The following MAPK12 variants were observed in gnomAD, a reference collection of about 807,000 sequenced individuals.
The protein encoded by MAPK12 is MAP kinase 12.
A neutral mutation model predicts 49.1 loss-of-function variants in MAPK12; 49 were observed. That is an observed-to-expected ratio of 1.00 (90% confidence interval 0.79 to 1.27). The LOEUF (loss-of-function observed/expected upper bound fraction) is 1.27. MAPK12 is among the 50% of genes most tolerant of loss of function. The probability of loss-of-function intolerance (pLI) is 0.00; values close to 1 mark genes in which losing one functional copy is unlikely to be tolerated. For synonymous variants in MAPK12, 251 were observed against 209.7 expected, an observed-to-expected ratio of 1.20 and a Z score of -1.70; for missense variants, 554 against 502.4, an observed-to-expected ratio of 1.10 and a Z score of -0.98.
At chr22:50,257,957 T>C in intron 3 of MAPK12, 2 of 769,724 alleles carry the variant, frequency 2.6e-6, no homozygotes, top group Non-Finnish European at 4.8e-6. Flanking sequence ...TGTTAACAAA[T>C]GGTCAGGTCC....
chr22:50,256,482 G>A, intron 6 of MAPK12, 117 bp downstream of exon 6: 1 of 1,356,196 alleles, frequency 7.4e-7, no homozygotes. Flanking sequence ...CAGCTCCTCA[G>A]CCACTGCCCA....
In MAPK12 at chr22:50,255,913, CA is replaced by C. The variant is rs769481174; in HGVS notation, c.620-33del. The C allele has an allele frequency of 1.1e-4, 175 of 1,601,672 alleles. No individual in the cohort carries two copies. In the African/African-American group the frequency reaches 2.1e-3, roughly 19 times the overall value. ...TAGAAGCCCTGGTCAGCTCCGTGGG[CA>C]GGGGGACAGGATGAGACGGGGAGGG... is the stretch of plus-strand genomic sequence containing the variant. On this transcript the variant is annotated intron_variant, in intron 7 of 11. Transcript: ENST00000215659.
At chr22:50,257,023 T>C in intron 4 of MAPK12, 59 bp from the exon 5 acceptor site, 5 of 1,600,012 alleles carry the variant, frequency 3.1e-6, no homozygotes, top group Non-Finnish European at 4.3e-6. Context: ...CACAGGGCCC[T>C]CCTCTGCCCA....
At chr22:50,258,088 T>C (rs1199205312) in intron 3 of MAPK12, 155 bp downstream of exon 3, 8 of 680,070 alleles carry the variant, frequency 1.2e-5, no homozygotes, top group Non-Finnish European at 2.1e-5. Flanking sequence ...GGGGAGGGCG[T>C]GGGGTGGACA....
chr22:50,253,394 G>C lies in MAPK12; in HGVS notation c.*7C>G. ...GTCCTCACTGCCACCCCGGAGCCCA[G>C]AGATCTTCACAGAGGCGTCTCCTTG... On this transcript the variant is annotated 3_prime_UTR_variant, in exon 12 of 12. Transcript: ENST00000215659. 6.5e-7 allele frequency: 1 copy of C among 1,544,064 alleles called. No homozygotes were observed. The highest frequency in any genetic ancestry group is 8.7e-7 in the Non-Finnish European group (1 of 1,143,048).
At chr22:50,259,868 G>A (rs1056028067) in intron 2 of MAPK12, among the ~76,000 whole-genome samples, 1 of 150,088 alleles carries the variant, frequency 6.7e-6, no homozygotes, top group African/African-American at 2.5e-5. Flanking sequence ...TGGGCAACAA[G>A]AGCGAAACTC....
In MAPK12 at chr22:50,256,930, C is replaced by G; in HGVS notation, c.456+5G>C. On this transcript the variant is annotated splice_donor_5th_base_variant and intron_variant, in intron 5 of 11. Transcript: ENST00000215659. The stretch of plus-strand genomic sequence containing the variant: ...CTGATGAGCGGCTTCTCCACCGGGA[C>G]TCACTCTGTGGATGATGCCGGCAGC... 1 of 1,606,180 alleles carries G rather than the reference C, an allele frequency of 6.2e-7. No homozygotes were observed. Among genetic ancestry groups the G allele is most frequent in the Non-Finnish European group, 8.5e-7 (1 of 1,178,164 alleles).
chr22:50,257,492 G>A, intron 3 of MAPK12: 2 of 523,148 alleles, frequency 3.8e-6, no homozygotes, highest in East Asian at 6.7e-5. Flanking sequence ...GAAGCGCCCT[G>A]CGTGCCAGGC....
rs2065156989 is a variant in MAPK12, at chr22:50,256,963, T to C, written c.428A>G (p.Tyr143Cys). The C allele has an allele frequency of 2.5e-6, 4 of 1,606,274 alleles. No homozygotes were observed. Among genetic ancestry groups the C allele is most frequent in the Non-Finnish European group, 3.4e-6 (4 of 1,178,000 alleles). ...GTGGATGATGCCGGCAGCGTGGATATACTGCGGGGGGCAGAGGATTTGGCA... is the reference window on the plus strand; with the variant it reads ...GTGGATGATGCCGGCAGCGTGGATACACTGCGGGGGGCAGAGGATTTGGCA... ...LVYQMLKGLR[Y>C]IHAAGIIHRD... Residue 143 changes from tyrosine to cysteine, a missense_variant and splice_region_variant, in exon 5 of 12, where the codon TAT becomes TGT. Physicochemically the swap from Tyr to Cys is radical, Grantham distance 194. Coordinates refer to ENST00000215659, the MANE Select transcript of MAPK12 (RefSeq NM_002969.6).
At position 50,256,175 on chromosome 22, in the gene MAPK12, G is replaced by A. The variant is rs1311378977; in HGVS notation, c.529C>T (p.Gln177Ter). The A allele has an allele frequency of 6.2e-7, 1 of 1,612,628 alleles. No homozygotes were observed. The highest frequency in any genetic ancestry group is 1.1e-5 in the South Asian group (1 of 91,072). The change falls in exon 7 of 12, where the codon CAG becomes TAG. Residue 177 changes from glutamine to a stop codon, truncating the protein, a stop_gained. Coordinates refer to ENST00000215659, the MANE Select transcript of MAPK12 (RefSeq NM_002969.6). LOFTEE classifies it high-confidence loss of function. ...TACCCAGTCATCTCACTGTCTGCCT[G>A]CCTGGCCAGGCCGAAGTCCAGGATC... ...LKILDFGLAR[Q>*]ADSEMTGYVV...
In MAPK12 at chr22:50,252,995, C is replaced by G. The variant is rs575704674; in HGVS notation, c.*406G>C. On this transcript the variant is annotated 3_prime_UTR_variant, in exon 12 of 12. Coordinates refer to ENST00000215659, the MANE Select transcript of MAPK12 (RefSeq NM_002969.6). ...CTGGGGGTGCAGGAAGGTCCACTGACGTCGCCCAGGAGAGGGGATGTCCCT... is the reference window on the plus strand; with the variant it reads ...CTGGGGGTGCAGGAAGGTCCACTGAGGTCGCCCAGGAGAGGGGATGTCCCT... The G allele has an allele frequency of 4.5e-5, 13 of 286,208 alleles. No individual in the cohort carries two copies. The highest frequency in any genetic ancestry group is 2.4e-4 in the Admixed American group (5 of 20,632). The allele number at this position is 286,208 out of a possible 1,614,324, so 17.7% of individuals were successfully genotyped here. A position where few individuals can be genotyped will look rare whatever the true frequency, so the allele number is the denominator to read the frequency against.
intron 2 of MAPK12, among the ~76,000 whole-genome samples, chr22:50,259,443 T>G (rs1307458267): frequency 6.6e-6 from 1 of 152,106 alleles, no homozygotes; most frequent in Non-Finnish European, 1.5e-5. Context: ...CCTCCCCCGC[T>G]GAGCAAGGCA....
At chr22:50,259,019 G>A (rs2147260836) in intron 2 of MAPK12, among the ~76,000 whole-genome samples, 1 of 152,372 alleles carries the variant, frequency 6.6e-6, no homozygotes, top group East Asian at 1.9e-4. Flanking sequence ...AGAGGCCAGA[G>A]GGAGCCGGCA....
intron 3 of MAPK12, 56 bp downstream of exon 3, chr22:50,258,187 G>T: frequency 6.5e-7 from 1 of 1,548,592 alleles, no homozygotes; most frequent in Non-Finnish European, 8.9e-7. Flanking sequence ...TGAAGCCAGT[G>T]CCCAGAGCTG....
At chr22:50,253,502 G>GGGGGGGGGCCCCCCCCCCCC in intron 11 of MAPK12, 22 bp from the exon 12 acceptor site, 3 of 171,638 alleles carry the variant, frequency 1.7e-5, no homozygotes, top group Non-Finnish European at 3.4e-5. Context: ...GGGGGGGCGG[G>GGGGGGGGGCCCCCCCCCCCC]CACAACAGAG....
intron 11 of MAPK12, chr22:50,253,748 G>A: frequency 7.3e-6 from 4 of 546,588 alleles, no homozygotes; most frequent in Non-Finnish European, 1.3e-5. Context: ...TTGTGTGGGT[G>A]GGGACTACAG....
In MAPK12 at chr22:50,256,926, G is replaced by T. The variant is rs140699276; in HGVS notation, c.456+9C>A. On this transcript the variant is annotated intron_variant, in intron 5 of 11. Transcript: ENST00000215659. Reference sequence around the variant, plus strand: ...AGGGCTGATGAGCGGCTTCTCCACCGGGACTCACTCTGTGGATGATGCCGG... The same window carrying T: ...AGGGCTGATGAGCGGCTTCTCCACCTGGACTCACTCTGTGGATGATGCCGG... 5.0e-6 allele frequency: 8 copies of T among 1,605,396 alleles called. No individual in the cohort carries two copies. In the Admixed American group the frequency reaches 1.3e-4, roughly 27 times the overall value.
At position 50,257,213 on chromosome 22, in the gene MAPK12, G is replaced by A. The variant is rs746565878; in HGVS notation, c.315-20C>T. 19 of 1,587,852 alleles carry A rather than the reference G, an allele frequency of 1.2e-5. No homozygotes were observed. Among genetic ancestry groups the A allele is most frequent in the South Asian group, 2.2e-5 (2 of 90,600 alleles). On this transcript the variant is annotated intron_variant, in intron 3 of 11. Transcript: ENST00000215659. ...AGGTAACTGTGGGAGGGGCCGGAGC[G>A]CTGTCAGCGGACAGAGCCAGCCTCT...
At position 50,255,372 on chromosome 22, in the gene MAPK12, T is replaced by G; in HGVS notation, c.851-2A>C. ...GCATCTTCTCCAGGAGGTTCACAGC[T>G]GCGGGGGAAGGTGCATCAGGCCAGA... On this transcript the variant is annotated splice_acceptor_variant, in intron 10 of 11. Coordinates refer to ENST00000215659, the MANE Select transcript of MAPK12 (RefSeq NM_002969.6). LOFTEE classifies it high-confidence loss of function. 1 of 1,612,974 alleles carries G rather than the reference T, an allele frequency of 6.2e-7. No homozygotes were observed. Among genetic ancestry groups the G allele is most frequent in the Non-Finnish European group, 8.5e-7 (1 of 1,179,792 alleles).
Sources: allele counts gnomAD v4.1 joint callset (sites outside exome capture counted in the v4.1 genomes callset), GRCh38; gene constraint gnomAD v4.1.1; transcripts MANE v1.5; gene names NCBI Gene and HGNC (gene_info 2026-07-23, HGNC 2026-07-21).